The following ASB3 variants were observed in gnomAD, a reference collection of about 807,000 sequenced individuals.
ASB3 encodes ankyrin repeat and SOCS box protein 3.
A neutral mutation model predicts 54.5 loss-of-function variants in ASB3; 41 were observed. The observed-to-expected ratio is 0.75, with a 90% CI of 0.59 to 0.98. The LOEUF (loss-of-function observed/expected upper bound fraction) is 0.98, where lower values mean the gene tolerates loss of function less well. Among genes scored for constraint, ASB3 ranks in the 50% least tolerant of loss-of-function variants. The probability of loss-of-function intolerance (pLI) is 0.00; values close to 1 mark genes in which losing one functional copy is unlikely to be tolerated. For missense variants in ASB3, 733 were observed against 620.0 expected (o/e 1.18, Z -1.94); for synonymous variants, 266 against 221.2 (o/e 1.20, Z -1.80).
At chr2:53,711,384 C>G (rs1670086719) in intron 7 of ASB3, among the ~76,000 whole-genome samples, 1 of 152,114 alleles carries the variant, frequency 6.6e-6, no homozygotes, top group Admixed American at 6.5e-5. Context: ...TTAGTGCTCT[C>G]TATATTAAAC....
At chr2:53,714,340 C>T (rs1468140015) in intron 7 of ASB3, 44 bp downstream of exon 7, 3 of 1,601,068 alleles carry the variant, frequency 1.9e-6, no homozygotes, top group South Asian at 1.1e-5. Flanking sequence ...CATCTCCATA[C>T]AGCAAAAAAG....
intron 3 of ASB3, among the ~76,000 whole-genome samples, chr2:53,749,998 A>C (rs909326359): frequency 6.6e-6 from 1 of 152,144 alleles, no homozygotes; most frequent in Non-Finnish European, 1.5e-5. Context: ...AACTCATTTC[A>C]TTCTCAGACC....
chr2:53,726,896 G>C (rs987476678), intron 5 of ASB3, among the ~76,000 whole-genome samples: 1 of 152,046 alleles, frequency 6.6e-6, no homozygotes, highest in African/African-American at 2.4e-5. Context: ...GTTTCACCAT[G>C]TTGGCTGGGC....
intron 9 of ASB3, among the ~76,000 whole-genome samples, chr2:53,691,110 A>C (rs77662077): frequency 0.016 from 2,440 of 152,332 alleles, 75 homozygotes; most frequent in African/African-American, 0.056. Context: ...ACCACTCACT[A>C]AATTTTACCT....
chr2:53,715,333 G>A (rs1289600876), intron 6 of ASB3, among the ~76,000 whole-genome samples: 2 of 152,094 alleles, frequency 1.3e-5, no homozygotes, highest in African/African-American at 4.8e-5. Flanking sequence ...CCTTCTTTCT[G>A]GGAAAAGACA....
chr2:53,675,628 T>C (rs1668044761), intron 9 of ASB3, among the ~76,000 whole-genome samples: 1 of 152,184 alleles, frequency 6.6e-6, no homozygotes, highest in Non-Finnish European at 1.5e-5. Flanking sequence ...AAAAAGTTAT[T>C]GTCAAAATTC....
intron 1 of ASB3, among the ~76,000 whole-genome samples, chr2:53,771,660 G>A (rs1673920049): frequency 6.6e-6 from 1 of 152,038 alleles, no homozygotes; most frequent in African/African-American, 2.4e-5. Flanking sequence ...TCCATGTAAA[G>A]TGAATATAAT....
chr2:53,750,937 T>A lies in ASB3; in HGVS notation c.201A>T (p.Ser67=), dbSNP rs759692761. Residue 67 remains serine, a synonymous_variant, in exon 3 of 10, where the codon TCA becomes TCT. Coordinates refer to ENST00000263634, the MANE Select transcript of ASB3 (RefSeq NM_016115.5). ...TCTTCATCTTAATGTAGTTTTCAGATGAATCTGTGGAAGAATCAAAGCCCA... is the reference window on the plus strand; with the variant it reads ...TCTTCATCTTAATGTAGTTTTCAGAAGAATCTGTGGAAGAATCAAAGCCCA... ...ECLQMLINAD[S]SENYIKMKTF... is the part of the protein sequence containing the mutation. 3.2e-6 allele frequency: 5 copies of A among 1,549,984 alleles called. No individual in the cohort carries two copies. In the East Asian group the frequency reaches 9.3e-5, roughly 29 times the overall value.
chr2:53,674,674 T>G (rs1474426833), intron 9 of ASB3, among the ~76,000 whole-genome samples: 3 of 152,180 alleles, frequency 2.0e-5, no homozygotes, highest in Non-Finnish European at 4.4e-5. Flanking sequence ...TTGAAATGTT[T>G]TGCACATCAA....
intron 1 of ASB3, chr2:53,768,107 C>A (rs1673621630): frequency 6.8e-7 from 1 of 1,480,702 alleles, no homozygotes; most frequent in Non-Finnish European, 9.2e-7. Context: ...CCTAGAGAAC[C>A]ACACCTTAGC....
intron 9 of ASB3, among the ~76,000 whole-genome samples, chr2:53,678,841 C>T (rs936099923): frequency 6.6e-6 from 1 of 152,146 alleles, no homozygotes; most frequent in African/African-American, 2.4e-5. Context: ...TCTCATTTTC[C>T]ATGCCTTGCT....
At chr2:53,717,329 G>A (rs1414014568) in intron 5 of ASB3, among the ~76,000 whole-genome samples, 2 of 152,140 alleles carry the variant, frequency 1.3e-5, no homozygotes, top group African/African-American at 4.8e-5. Context: ...AAAATTATCA[G>A]TAGATATGAC....
intron 7 of ASB3, among the ~76,000 whole-genome samples, chr2:53,705,227 T>C (rs1669704850): frequency 1.3e-5 from 2 of 152,186 alleles, no homozygotes; most frequent in Non-Finnish European, 2.9e-5. Context: ...CATTTTCCAA[T>C]GACTACTTAC....
chr2:53,692,173 C>T (rs1668952782), intron 9 of ASB3, among the ~76,000 whole-genome samples: 1 of 152,086 alleles, frequency 6.6e-6, no homozygotes, highest in African/African-American at 2.4e-5. Context: ...CAAAAATCAC[C>T]CCTATGCTAT....
intron 9 of ASB3, among the ~76,000 whole-genome samples, chr2:53,689,278 TTA>T (rs1668787338): frequency 6.6e-6 from 1 of 152,208 alleles, no homozygotes; most frequent in South Asian, 2.1e-4. Context: ...CACCAGAGCA[TTA>T]CCATAAGGTT....
intron 1 of ASB3, among the ~76,000 whole-genome samples, chr2:53,765,898 C>T (rs1423407834): frequency 6.6e-6 from 1 of 151,512 alleles, no homozygotes; most frequent in East Asian, 1.9e-4. Flanking sequence ...CACCACAACG[C>T]ATTCTTTGGT....
chr2:53,750,544 C>T (rs1343180516), intron 3 of ASB3, among the ~76,000 whole-genome samples: 7 of 152,026 alleles, frequency 4.6e-5, no homozygotes, highest in Admixed American at 1.3e-4. Context: ...GCCTACAATT[C>T]GAAACAGATT....
At chr2:53,757,300 C>T (rs1467903319) in intron 2 of ASB3, among the ~76,000 whole-genome samples, 1 of 152,244 alleles carries the variant, frequency 6.6e-6, no homozygotes, top group Non-Finnish European at 1.5e-5. Flanking sequence ...TCCAACCCTT[C>T]TGGGTTGGGA....
intron 3 of ASB3, among the ~76,000 whole-genome samples, chr2:53,737,328 G>C (rs1278251362): frequency 1.3e-5 from 2 of 152,136 alleles, no homozygotes; most frequent in African/African-American, 4.8e-5. Context: ...ACTCCAACCA[G>C]AGGAAAGAGG....
Sources: allele counts gnomAD v4.1 joint callset (sites outside exome capture counted in the v4.1 genomes callset), GRCh38; gene constraint gnomAD v4.1.1; transcripts MANE v1.5; gene names NCBI Gene and HGNC (gene_info 2026-07-23, HGNC 2026-07-21).